The following SLC4A10 variants were observed in gnomAD, a reference collection of about 807,000 sequenced individuals.
The protein encoded by SLC4A10 is solute carrier family 4 member 10, also known as sodium-driven chloride bicarbonate exchanger.
Under a neutral mutation model 137.7 loss-of-function variants are expected in SLC4A10, and 42 were observed. The ratio of observed to expected loss-of-function variants is 0.30; its 90% CI spans 0.24 to 0.39. SLC4A10 has a LOEUF of 0.39. SLC4A10 is among the 10% of genes least tolerant of loss of function. SLC4A10 has a pLI of 1.00. For missense variants in SLC4A10, 925 were observed against 1,355.0 expected (o/e 0.68, Z 4.98); for synonymous variants, 474 against 464.1 (o/e 1.02, Z -0.27).
chr2:161,842,355 T>A (rs1189572395), intron 4 of SLC4A10, among the ~76,000 whole-genome samples: 2 of 152,176 alleles, frequency 1.3e-5, no homozygotes, highest in Non-Finnish European at 2.9e-5. Flanking sequence ...ATTATCAAAC[T>A]GCTTAAAATG....
chr2:161,653,369 A>G (rs6747334), intron 1 of SLC4A10, among the ~76,000 whole-genome samples: 119,881 of 151,958 alleles, frequency 0.79, 47,616 homozygotes, highest in East Asian at 0.85. Flanking sequence ...ATACCCAGTA[A>G]TGGGATTGCT....
At chr2:161,735,373 ATAAACT>A (rs2047239471) in intron 1 of SLC4A10, among the ~76,000 whole-genome samples, 1 of 151,996 alleles carries the variant, frequency 6.6e-6, no homozygotes, top group African/African-American at 2.4e-5. Flanking sequence ...GTCAAAGTAC[ATAAACT>A]TAAATTTATT....
chr2:161,731,377 T>C (rs960208701), intron 1 of SLC4A10, among the ~76,000 whole-genome samples: 2 of 152,156 alleles, frequency 1.3e-5, no homozygotes, highest in Non-Finnish European at 2.9e-5. Context: ...TTAACATCTA[T>C]ATATTCAAAG....
At chr2:161,745,411 T>G (rs1360494297) in intron 1 of SLC4A10, among the ~76,000 whole-genome samples, 1 of 152,194 alleles carries the variant, frequency 6.6e-6, no homozygotes, top group African/African-American at 2.4e-5. Context: ...TTAATTCTTT[T>G]TAATTATTTC....
At chr2:161,862,430 A>G (rs1575337722) in intron 5 of SLC4A10, among the ~76,000 whole-genome samples, 3 of 152,336 alleles carry the variant, frequency 2.0e-5, no homozygotes, top group East Asian at 3.9e-4. Context: ...AAATTAAAAT[A>G]TAAGTATAAA....
rs1283576170 is a variant in SLC4A10 at position 161,627,433 on chromosome 2, G to T, written c.48+2867G>T. ...TATGGGACAGAAGCAGTCAGAGGTA[G>T]AAAGATAGGGAAGTGAAAGAGAAAG... On this transcript the variant is annotated intron_variant, in intron 1 of 26. Coordinates refer to ENST00000446997, the MANE Select transcript of SLC4A10 (RefSeq NM_001178015.2). Among the ~76,000 whole-genome samples, 4 of 152,124 alleles carry T rather than the reference G, an allele frequency of 2.6e-5. No homozygotes were observed. In the East Asian group the frequency reaches 7.7e-4, roughly 29 times the overall value.
In SLC4A10 at chr2:161,855,037, C is replaced by A; in HGVS notation, c.484C>A (p.Leu162Ile). The A allele has an allele frequency of 6.2e-7, 1 of 1,613,398 alleles. No homozygotes were observed. The highest frequency in any genetic ancestry group is 8.5e-7 in the Non-Finnish European group (1 of 1,179,610). Residue 162 changes from leucine to isoleucine, a missense_variant, in exon 5 of 27, where the codon CTT (leucine) becomes ATT (isoleucine). By Grantham distance (5) the Leu-to-Ile change is conservative. Transcript: ENST00000446997. ...ERWSKPYVAT[L>I]SLHSLFELRS... ...GTGGAGCAAGCCTTATGTGGCTACT[C>A]TTTCATTGCACAGCTTGTTTGAATT...
intron 23 of SLC4A10, among the ~76,000 whole-genome samples, chr2:161,972,310 T>C (rs1262902690): frequency 6.6e-6 from 1 of 152,178 alleles, no homozygotes; most frequent in Non-Finnish European, 1.5e-5. Context: ...GAACCTTTTC[T>C]ACCTGAAATG....
intron 10 of SLC4A10, among the ~76,000 whole-genome samples, chr2:161,892,299 C>T (rs1367123258): frequency 6.6e-6 from 1 of 151,894 alleles, no homozygotes; most frequent in Non-Finnish European, 1.5e-5. Context: ...AGTAGGGTTG[C>T]TAAACTCTCA....
chr2:161,868,833 A>G (rs1428491556), intron 6 of SLC4A10, among the ~76,000 whole-genome samples: 1 of 151,684 alleles, frequency 6.6e-6, no homozygotes, highest in African/African-American at 2.4e-5. Flanking sequence ...ATAACTTACC[A>G]TGAATATAAT....
intron 24 of SLC4A10, among the ~76,000 whole-genome samples, chr2:161,976,222 T>C (rs747650968): frequency 6.6e-6 from 1 of 152,222 alleles, no homozygotes; most frequent in Non-Finnish European, 1.5e-5. Flanking sequence ...ATCAAAAATA[T>C]TGTACAATAA....
At chr2:161,977,887 T>C in intron 26 of SLC4A10, 127 bp downstream of exon 26, 12 of 717,490 alleles carry the variant, frequency 1.7e-5, no homozygotes, top group Non-Finnish European at 2.6e-5. Flanking sequence ...TGGAGAGTGT[T>C]GGGCTCAGAT....
intron 2 of SLC4A10, among the ~76,000 whole-genome samples, chr2:161,784,938 G>C (rs1171732067): frequency 1.3e-5 from 2 of 149,076 alleles, no homozygotes; most frequent in African/African-American, 4.9e-5. Flanking sequence ...GAAAACAATA[G>C]GAAAAAATCA....
At chr2:161,657,548 T>C (rs560440141) in intron 1 of SLC4A10, among the ~76,000 whole-genome samples, 1 of 152,116 alleles carries the variant, frequency 6.6e-6, no homozygotes, top group Middle Eastern at 3.4e-3. Flanking sequence ...AGGATTATTA[T>C]TATTATTTTT....
At chr2:161,686,180 A>C (rs561418575) in intron 1 of SLC4A10, among the ~76,000 whole-genome samples, 1 of 152,324 alleles carries the variant, frequency 6.6e-6, no homozygotes, top group South Asian at 2.1e-4. Context: ...AAGGGTTGAT[A>C]TTTTTAGTAT....
chr2:161,641,720 G>C (rs1558926044), intron 1 of SLC4A10, among the ~76,000 whole-genome samples: 1 of 151,956 alleles, frequency 6.6e-6, no homozygotes, highest in Non-Finnish European at 1.5e-5. Context: ...TTGGATAATA[G>C]TGCTAGTCTA....
chr2:161,939,072 A>C (rs758477773), intron 15 of SLC4A10, among the ~76,000 whole-genome samples: 3 of 151,746 alleles, frequency 2.0e-5, no homozygotes, highest in Non-Finnish European at 4.4e-5. Context: ...GATTTAGCTA[A>C]TTTTATTTTT....
intron 1 of SLC4A10, among the ~76,000 whole-genome samples, chr2:161,627,467 G>T (rs1241941996): frequency 2.0e-5 from 3 of 152,048 alleles, no homozygotes; most frequent in African/African-American, 7.2e-5. Context: ...AGGAAAATAA[G>T]AATAGATAAG....
intron 1 of SLC4A10, among the ~76,000 whole-genome samples, chr2:161,637,958 A>G (rs1251405827): frequency 2.0e-5 from 3 of 151,990 alleles, no homozygotes; most frequent in Admixed American, 6.6e-5. Context: ...AGGTGATTTA[A>G]TTTTTGCTAT....
Sources: gnomAD v4.1 joint callset for allele counts (sites outside exome capture counted in the v4.1 genomes callset) on GRCh38, gnomAD v4.1.1 for gene constraint, MANE v1.5 for transcripts, NCBI Gene and HGNC (gene_info 2026-07-23, HGNC 2026-07-21) for gene names.